SNX29: variants seen among roughly 807,000 people sequenced by gnomAD.
The protein encoded by SNX29 is sorting nexin-29.
In SNX29, 78 loss-of-function variants were observed where a neutral mutation model predicts 102.1. The observed-to-expected ratio is 0.76, with a 90% CI of 0.64 to 0.92. The LOEUF (loss-of-function observed/expected upper bound fraction) is 0.92, where lower values mean the gene tolerates loss of function less well. Ranked by LOEUF, SNX29 falls within the 40% of genes least tolerant of loss-of-function variation. The pLI is 0.00. For synonymous variants in SNX29, 580 were observed against 414.5 expected, an observed-to-expected ratio of 1.40 and a Z score of -4.85; for missense variants, 1,280 against 1,061.7, an observed-to-expected ratio of 1.21 and a Z score of -2.86.
At chr16:12,075,080 A>T (rs1478985957) in intron 10 of SNX29, among the ~76,000 whole-genome samples, 1 of 152,132 alleles carries the variant, frequency 6.6e-6, no homozygotes, top group African/African-American at 2.4e-5. Flanking sequence ...ATTTTTTCAA[A>T]GTTTTCAACT....
chr16:12,568,000 A>C (rs1306873179), intron 20 of SNX29, among the ~76,000 whole-genome samples: 1 of 152,196 alleles, frequency 6.6e-6, no homozygotes, highest in Non-Finnish European at 1.5e-5. Context: ...GCTCTTAAAC[A>C]CAATACCATG....
At chr16:12,492,329 T>G (rs905774177) in intron 19 of SNX29, among the ~76,000 whole-genome samples, 2 of 152,232 alleles carry the variant, frequency 1.3e-5, no homozygotes, top group Non-Finnish European at 2.9e-5. Flanking sequence ...AAATGTCTTC[T>G]TTTGAGAAGT....
chr16:12,530,858 C>G (rs866432051), intron 20 of SNX29, among the ~76,000 whole-genome samples: 1 of 152,114 alleles, frequency 6.6e-6, no homozygotes, highest in African/African-American at 2.4e-5. Context: ...GCCTGGCCAC[C>G]TTTCTTAATT....
chr16:12,426,876 G>C (rs557495977), intron 18 of SNX29, among the ~76,000 whole-genome samples: 33 of 152,238 alleles, frequency 2.2e-4, no homozygotes, highest in Middle Eastern at 3.4e-3. Flanking sequence ...ATGTTGACCA[G>C]GCTGGTCTTG....
chr16:12,002,460 A>AG (rs1366992102), intron 2 of SNX29, among the ~76,000 whole-genome samples: 1 of 152,048 alleles, frequency 6.6e-6, no homozygotes, highest in African/African-American at 2.4e-5. Context: ...AAAAAAAAAA[A>AG]AAAGGAGTAG....
At position 12,571,241 on chromosome 16, in the gene SNX29, A is replaced by C. The variant is rs1488512897; in HGVS notation, c.*2612A>C. On this transcript the variant is annotated 3_prime_UTR_variant, in exon 21 of 21. Transcript: ENST00000566228. ...TTCCCAGTTCCTGGAGTTATGGAGCAGAAACACCCAGGCCTAGCAGAATTG... is the reference window on the plus strand; with the variant it reads ...TTCCCAGTTCCTGGAGTTATGGAGCCGAAACACCCAGGCCTAGCAGAATTG... 2 of 232,126 alleles carry C rather than the reference A, an allele frequency of 8.6e-6. No individual in the cohort carries two copies. The highest frequency in any genetic ancestry group is 1.7e-5 in the Non-Finnish European group (2 of 117,386). 14.4% of individuals were successfully genotyped at this position (232,126 alleles called of 1,614,324 possible). A position where few individuals can be genotyped will look rare whatever the true frequency, so the allele number is the denominator to read the frequency against.
chr16:12,095,108 A>T (rs915719785), intron 11 of SNX29: 1 of 152,230 alleles, frequency 6.6e-6, no homozygotes. Context: ...CTGACTCCGT[A>T]GCTGCGGAAG....
At chr16:12,024,395 C>T (rs934837912) in intron 3 of SNX29, among the ~76,000 whole-genome samples, 1 of 152,152 alleles carries the variant, frequency 6.6e-6, no homozygotes, top group Non-Finnish European at 1.5e-5. Flanking sequence ...ATCCACCCGC[C>T]TTGGCCTGCC....
intron 4 of SNX29, among the ~76,000 whole-genome samples, chr16:12,041,479 A>G (rs1217976600): frequency 1.3e-5 from 2 of 152,162 alleles, no homozygotes; most frequent in African/African-American, 2.4e-5. Flanking sequence ...AAACACTATA[A>G]TTTATTCTCC....
At chr16:12,482,869 G>A (rs189353524) in intron 19 of SNX29, among the ~76,000 whole-genome samples, 1 of 152,214 alleles carries the variant, frequency 6.6e-6, no homozygotes, top group East Asian at 1.9e-4. Context: ...TTAGCATGTT[G>A]TATAGTGTGT....
chr16:12,527,988 C>CTA (rs2076832393), intron 20 of SNX29, among the ~76,000 whole-genome samples: 1 of 82,860 alleles, frequency 1.2e-5, no homozygotes, highest in South Asian at 5.5e-4. Context: ...CCATGCCTGG[C>CTA]TATTTTTTTT....
chr16:12,571,059 G>A lies in SNX29; in HGVS notation c.*2430G>A. 1 of 232,664 alleles carries A rather than the reference G, an allele frequency of 4.3e-6. No individual in the cohort carries two copies. The highest frequency in any genetic ancestry group is 8.5e-6 in the Non-Finnish European group (1 of 117,692). The allele number at this position is 232,664 out of a possible 1,614,324, so 14.4% of individuals were successfully genotyped here. On this transcript the variant is annotated 3_prime_UTR_variant, in exon 21 of 21. Coordinates refer to ENST00000566228, the MANE Select transcript of SNX29 (RefSeq NM_032167.5). ...CTCCTCTCATTCTCACTCTAAAAAT[G>A]CTGGTGGCCCGCACATGACAGCAAC...
In SNX29 at chr16:12,042,962, C is replaced by T; in HGVS notation, c.313C>T (p.Leu105=). 6.2e-7 allele frequency: 1 copy of T among 1,613,904 alleles called. No homozygotes were observed. The highest frequency in any genetic ancestry group is 8.5e-7 in the Non-Finnish European group (1 of 1,179,854). Residue 105 remains leucine, a synonymous_variant, in exon 5 of 21, where the codon CTG becomes TTG. Coordinates refer to ENST00000566228, the MANE Select transcript of SNX29 (RefSeq NM_032167.5). ...NKHELQRFYS[L]RHIASDVGRG... ...GCACGAGCTGCAGCGCTTCTACTCC[C>T]TGCGCCACATCGCCTCAGACGTGGG... is the stretch of plus-strand genomic sequence containing the variant.
intron 14 of SNX29, among the ~76,000 whole-genome samples, chr16:12,250,254 G>A (rs545981173): frequency 2.6e-5 from 4 of 152,238 alleles, no homozygotes; most frequent in South Asian, 4.1e-4. Context: ...CACACAGAAG[G>A]TAGCAGAGCC....
chr16:12,224,435 G>A (rs934019938), intron 14 of SNX29, among the ~76,000 whole-genome samples: 4 of 152,206 alleles, frequency 2.6e-5, no homozygotes, highest in Non-Finnish European at 5.9e-5. Flanking sequence ...TGGAGAGGAG[G>A]GAGTGGTGAC....
intron 19 of SNX29, among the ~76,000 whole-genome samples, chr16:12,515,066 G>A (rs535122771): frequency 1.3e-5 from 2 of 152,172 alleles, no homozygotes; most frequent in East Asian, 3.9e-4. Flanking sequence ...TGCTAGTGAC[G>A]GCTCCTCCTG....
chr16:12,364,110 A>G (rs2082382388), intron 16 of SNX29, among the ~76,000 whole-genome samples: 1 of 152,086 alleles, frequency 6.6e-6, no homozygotes, highest in Non-Finnish European at 1.5e-5. Context: ...CTCCTGCCTC[A>G]GTCTCTGGAG....
chr16:12,527,342 G>C, intron 20 of SNX29: 2 of 518,154 alleles, frequency 3.9e-6, no homozygotes, highest in Admixed American at 2.4e-5. Flanking sequence ...CTGAGCCTGA[G>C]AGATTTCTGG....
chr16:12,195,695 C>T (rs1420654512), intron 13 of SNX29, among the ~76,000 whole-genome samples: 1 of 152,262 alleles, frequency 6.6e-6, no homozygotes, highest in Non-Finnish European at 1.5e-5. Flanking sequence ...TCACTTAATT[C>T]GCTAAACGTG....
Sources: gnomAD v4.1 joint callset for allele counts (sites outside exome capture counted in the v4.1 genomes callset) on GRCh38, gnomAD v4.1.1 for gene constraint, MANE v1.5 for transcripts, NCBI Gene and HGNC (gene_info 2026-07-23, HGNC 2026-07-21) for gene names.